RNF220: variants seen among roughly 807,000 people sequenced by gnomAD.
The protein encoded by RNF220 is E3 ubiquitin-protein ligase RNF220.
A neutral mutation model predicts 67.1 loss-of-function variants in RNF220; 7 were observed. That is an observed-to-expected ratio of 0.10 (90% CI 0.06 to 0.20). The LOEUF is 0.20. Among genes scored for constraint, RNF220 ranks in the 10% least tolerant of loss-of-function variants. RNF220 has a pLI of 1.00. For synonymous variants in RNF220, 270 were observed against 283.2 expected, an observed-to-expected ratio of 0.95 and a Z score of 0.47; for missense variants, 565 against 740.3, an observed-to-expected ratio of 0.76 and a Z score of 2.75.
At chr1:44,472,964 G>A (rs1057474663) in intron 2 of RNF220, among the ~76,000 whole-genome samples, 11 of 152,118 alleles carry the variant, frequency 7.2e-5, no homozygotes, top group African/African-American at 2.7e-4. Context: ...GGTCACATAC[G>A]TTCCGGACAG....
At chr1:44,603,206 A>T (rs1667049539) in intron 2 of RNF220, among the ~76,000 whole-genome samples, 1 of 152,250 alleles carries the variant, frequency 6.6e-6, no homozygotes, top group Non-Finnish European at 1.5e-5. Flanking sequence ...TTTAGGCGTT[A>T]TCTGGCACGT....
At chr1:44,626,580 G>C in intron 5 of RNF220, 182 bp downstream of exon 5, 1 of 595,600 alleles carries the variant, frequency 1.7e-6, no homozygotes, top group Non-Finnish European at 3.0e-6. Context: ...CAGGGAATAG[G>C]CCTTAAATAG....
At chr1:44,484,559 G>A (rs1656113235) in intron 2 of RNF220, among the ~76,000 whole-genome samples, 1 of 152,068 alleles carries the variant, frequency 6.6e-6, no homozygotes, top group South Asian at 2.1e-4. Flanking sequence ...TAGGTGGGAG[G>A]ACTGGCAGAG....
At chr1:44,415,440 C>T (rs982980275) in intron 2 of RNF220, among the ~76,000 whole-genome samples, 3 of 151,984 alleles carry the variant, frequency 2.0e-5, no homozygotes, top group South Asian at 2.1e-4. Context: ...AGTGTTCAGA[C>T]GAGCAGAGTG....
chr1:44,406,024 C>A (rs1381867545), intron 1 of RNF220, among the ~76,000 whole-genome samples: 1 of 152,182 alleles, frequency 6.6e-6, no homozygotes, highest in Non-Finnish European at 1.5e-5. Context: ...CGTTGATTTC[C>A]GGCGAGGCCA....
intron 1 of RNF220, among the ~76,000 whole-genome samples, chr1:44,408,273 C>T (rs1300239091): frequency 6.6e-6 from 1 of 152,238 alleles, no homozygotes; most frequent in Non-Finnish European, 1.5e-5. Flanking sequence ...CTGGCCCGGG[C>T]TGTCTCGGAT....
intron 2 of RNF220, among the ~76,000 whole-genome samples, chr1:44,532,818 A>G (rs1331470576): frequency 6.6e-6 from 1 of 152,200 alleles, no homozygotes; most frequent in East Asian, 1.9e-4. Flanking sequence ...GTCTCCTGCA[A>G]ATGGGAACAG....
intron 2 of RNF220, among the ~76,000 whole-genome samples, chr1:44,528,614 CTTTT>C (rs71036683): frequency 2.1e-4 from 28 of 131,944 alleles, no homozygotes; most frequent in East Asian, 8.6e-4. Context: ...AAATTGGCAA[CTTTT>C]TTTTTTTTTT....
Position 44,621,856 on chromosome 1 carries a change from G to A in RNF220, c.759-886G>A, listed in dbSNP as rs1557447125. ...GACCCTATGTGAATGGGCTGTGTCTGCCTCCGTGCATTCATCAGCCAGCAC... is the reference window on the plus strand; with the variant it reads ...GACCCTATGTGAATGGGCTGTGTCTACCTCCGTGCATTCATCAGCCAGCAC... On this transcript the variant is annotated intron_variant, in intron 3 of 14. Transcript: ENST00000361799. The surrounding 1 kb of genome is among the most constrained non-coding windows in gnomAD (Gnocchi z 4.8). Among the ~76,000 whole-genome samples the A allele has an allele frequency of 6.6e-6, 1 of 152,204 alleles. No homozygotes were observed. Among genetic ancestry groups the A allele is most frequent in the African/African-American group, 2.4e-5 (1 of 41,436 alleles).
At chr1:44,577,759 A>G (rs1057317146) in intron 2 of RNF220, among the ~76,000 whole-genome samples, 4 of 151,934 alleles carry the variant, frequency 2.6e-5, no homozygotes, top group African/African-American at 9.7e-5. Flanking sequence ...TGAGGTCAGG[A>G]GTTTGAGACC....
intron 1 of RNF220, among the ~76,000 whole-genome samples, chr1:44,405,848 A>G (rs1046211938): frequency 1.3e-5 from 2 of 151,788 alleles, no homozygotes; most frequent in African/African-American, 4.8e-5. Flanking sequence ...CGGGAATTGG[A>G]CAAGTTGGGA....
intron 2 of RNF220, among the ~76,000 whole-genome samples, chr1:44,525,118 G>GA (rs530784643): frequency 1.8e-4 from 28 of 152,094 alleles, no homozygotes; most frequent in Admixed American, 5.2e-4. Context: ...GTCTGGAAAA[G>GA]AAAAAAAATC....
chr1:44,422,633 A>T (rs1007248100), intron 2 of RNF220, among the ~76,000 whole-genome samples: 2 of 152,226 alleles, frequency 1.3e-5, no homozygotes, highest in African/African-American at 4.8e-5. Flanking sequence ...AGCTGAGCCT[A>T]TGAGAAGTTG....
At chr1:44,538,918 GA>G (rs35240810) in intron 2 of RNF220, among the ~76,000 whole-genome samples, 31,361 of 77,904 alleles carry the variant, frequency 0.4, 4,938 homozygotes, top group African/African-American at 0.54. Context: ...TCCATCTAGG[GA>G]AAAAAAAAAA....
intron 2 of RNF220, among the ~76,000 whole-genome samples, chr1:44,535,564 T>G (rs1175360836): frequency 2.6e-5 from 4 of 152,170 alleles, no homozygotes; most frequent in Non-Finnish European, 4.4e-5. Flanking sequence ...TGAATTTAGT[T>G]TGTGAATTAG....
intron 8 of RNF220, chr1:44,643,978 G>C (rs1309995353): frequency 1.3e-5 from 2 of 153,100 alleles, no homozygotes; most frequent in Non-Finnish European, 2.9e-5. Flanking sequence ...TCAGCCACTT[G>C]CGTGGCCCAT....
At chr1:44,632,108 C>A in intron 5 of RNF220, 1 of 1,465,164 alleles carries the variant, frequency 6.8e-7, no homozygotes, top group Non-Finnish European at 9.1e-7. Context: ...GCTGGGGCGG[C>A]ACCGCGCAGC....
chr1:44,412,028 A>G lies in RNF220; in HGVS notation c.-70A>G, dbSNP rs532735795. ...CAGTAATATTCCCTGCCCTGACCCA[A>G]AGTGCTGGTTGGCCTCCCTCCCAGG... is the stretch of plus-strand genomic sequence containing the variant. On this transcript the variant is annotated 5_prime_UTR_variant, in exon 2 of 15. Coordinates refer to ENST00000361799, the MANE Select transcript of RNF220 (RefSeq NM_018150.4). The surrounding 1 kb of genome is among the most constrained non-coding windows in gnomAD (Gnocchi z 5.3). 31 of 1,535,198 alleles carry G rather than the reference A, an allele frequency of 2.0e-5. No individual in the cohort carries two copies. The South Asian group carries it at 3.7e-4, about 18-fold the overall frequency.
intron 2 of RNF220, among the ~76,000 whole-genome samples, chr1:44,550,149 C>T (rs1005576372): frequency 2.6e-5 from 4 of 152,224 alleles, no homozygotes; most frequent in Admixed American, 6.5e-5. Context: ...ATAGCATGAG[C>T]GTAGGCCTGA....
Sources: gnomAD v4.1 joint callset for allele counts (sites outside exome capture counted in the v4.1 genomes callset) on GRCh38, gnomAD v4.1.1 for gene constraint, Gnocchi (gnomAD v3.1) non-coding constraint, MANE v1.5 for transcripts, NCBI Gene and HGNC (gene_info 2026-07-23, HGNC 2026-07-21) for gene names.